Variants in FAM3D observed in about 807,000 individuals in gnomAD.
FAM3D encodes FAM3 metabolism regulating signaling molecule D, also known as protein FAM3D.
In FAM3D, 26 loss-of-function variants were observed where a neutral mutation model predicts 29.8. That is an observed-to-expected ratio of 0.87 (90% CI 0.64 to 1.21). The LOEUF is 1.21. Ranked by LOEUF, FAM3D falls within the 50% of genes most tolerant of loss-of-function variation. The probability of loss-of-function intolerance (pLI) is 0.00; values close to 1 mark genes in which losing one functional copy is unlikely to be tolerated. For synonymous variants in FAM3D, 115 were observed against 102.3 expected (o/e 1.12, Z -0.75); for missense variants, 253 against 290.9 (o/e 0.87, Z 0.95).
intron 3 of FAM3D, among the ~76,000 whole-genome samples, chr3:58,652,403 C>T (rs200860439): frequency 2.2e-5 from 3 of 137,964 alleles, no homozygotes; most frequent in Non-Finnish European, 3.2e-5. Context: ...TTCATCTATC[C>T]ACCCACCCAC....
At chr3:58,646,421 TG>T (rs1470394166) in intron 4 of FAM3D, among the ~76,000 whole-genome samples, 1 of 152,118 alleles carries the variant, frequency 6.6e-6, no homozygotes, top group Non-Finnish European at 1.5e-5. Flanking sequence ...GGTCCATGCC[TG>T]GGGGGAGATG....
At chr3:58,636,816 G>C (rs527587201) in intron 8 of FAM3D, among the ~76,000 whole-genome samples, 10 of 151,804 alleles carry the variant, frequency 6.6e-5, no homozygotes, top group Non-Finnish European at 1.0e-4. Context: ...GATTTTCCAC[G>C]TCCTTAAATA....
In FAM3D at chr3:58,666,617, G is replaced by A. The variant is rs745399631; in HGVS notation, c.-80C>T. 3.3e-5 allele frequency: 5 copies of A among 152,260 alleles called. No homozygotes were observed. The highest frequency in any genetic ancestry group is 6.5e-5 in the Admixed American group (1 of 15,286). The allele number at this position is 152,260 out of a possible 1,614,324, so 9.4% of individuals were successfully genotyped here. A position where few individuals can be genotyped will look rare whatever the true frequency, so the allele number is the denominator to read the frequency against. The stretch of plus-strand genomic sequence containing the variant: ...CCCACTTCCCTGCTTCGATGGAGAA[G>A]GCGAGGTGGTCCAGCAGGTGCCGTA... On this transcript the variant is annotated 5_prime_UTR_variant, in exon 1 of 10. Transcript: ENST00000358781.
chr3:58,662,153 G>A (rs58684917), intron 1 of FAM3D, among the ~76,000 whole-genome samples: 23,856 of 119,826 alleles, frequency 0.2, 2,295 homozygotes, highest in African/African-American at 0.29. Context: ...GCTGGGTGGA[G>A]TATCTGGGTT....
intron 5 of FAM3D, 57 bp downstream of exon 5, chr3:58,645,452 T>C: frequency 2.0e-6 from 2 of 1,002,280 alleles, no homozygotes; most frequent in East Asian, 2.9e-5. Flanking sequence ...TTTTAATGAA[T>C]GAATGAAATA....
chr3:58,657,221 G>A (rs896040887), intron 1 of FAM3D, among the ~76,000 whole-genome samples: 1 of 152,146 alleles, frequency 6.6e-6, no homozygotes, highest in African/African-American at 2.4e-5. Flanking sequence ...GAGGAGCCAG[G>A]AGAGTCGGTG....
At chr3:58,636,149 T>C in intron 9 of FAM3D, 145 bp downstream of exon 9, 1 of 1,331,852 alleles carries the variant, frequency 7.5e-7, no homozygotes. Context: ...CACCCTGGCC[T>C]TTGGAGTGAA....
At chr3:58,642,169 C>T (rs1451966122) in intron 6 of FAM3D, among the ~76,000 whole-genome samples, 1 of 152,144 alleles carries the variant, frequency 6.6e-6, no homozygotes, top group Non-Finnish European at 1.5e-5. Flanking sequence ...GGAACGGCTG[C>T]ACTCAGCCTC....
intron 1 of FAM3D, among the ~76,000 whole-genome samples, chr3:58,663,023 C>T (rs186817697): frequency 1.3e-5 from 2 of 152,336 alleles, no homozygotes; most frequent in African/African-American, 4.8e-5. Context: ...CTCAGCCTCC[C>T]CAGTAGCTGG....
intron 3 of FAM3D, among the ~76,000 whole-genome samples, chr3:58,652,861 T>TCCATCC (rs2066681184): frequency 2.8e-5 from 2 of 72,636 alleles, no homozygotes; most frequent in South Asian, 1.3e-3. Flanking sequence ...TCCATCCATC[T>TCCATCC]GTCCATCCAT....
At chr3:58,649,504 A>G in intron 3 of FAM3D, 166 bp from the exon 4 acceptor site, 1 of 714,202 alleles carries the variant, frequency 1.4e-6, no homozygotes, top group Non-Finnish European at 2.5e-6. Flanking sequence ...ACACATACAT[A>G]CACACACAGC....
intron 4 of FAM3D, among the ~76,000 whole-genome samples, chr3:58,649,057 G>C (rs1467628214): frequency 6.6e-6 from 1 of 152,180 alleles, no homozygotes; most frequent in Non-Finnish European, 1.5e-5. Context: ...AGGGGTACTG[G>C]AGAAGGGGCA....
At chr3:58,660,135 G>C (rs973165322) in intron 1 of FAM3D, among the ~76,000 whole-genome samples, 2 of 152,206 alleles carry the variant, frequency 1.3e-5, no homozygotes, top group African/African-American at 4.8e-5. Context: ...AAAAGAAAGA[G>C]ACAAGACTGA....
chr3:58,652,979 T>TCTG (rs1491311916), intron 3 of FAM3D, among the ~76,000 whole-genome samples: 4,193 of 101,844 alleles, frequency 0.041, 96 homozygotes, highest in South Asian at 0.13. Context: ...CATCCATCCG[T>TCTG]TTTTTTTTTT....
At chr3:58,648,181 G>A (rs2066532465) in intron 4 of FAM3D, among the ~76,000 whole-genome samples, 1 of 152,224 alleles carries the variant, frequency 6.6e-6, no homozygotes, top group African/African-American at 2.4e-5. Context: ...GACACTCTGT[G>A]TCCACTTCAG....
At position 58,634,164 on chromosome 3, in the gene FAM3D, C is replaced by T. The variant is rs758954230; in HGVS notation, c.*115G>A. ...GCGCGACACAGCGTGCAAGGACCTGCAGCACCTTCCACGCAGCACCCCCTG... is the reference window on the plus strand; with the variant it reads ...GCGCGACACAGCGTGCAAGGACCTGTAGCACCTTCCACGCAGCACCCCCTG... On this transcript the variant is annotated 3_prime_UTR_variant, in exon 10 of 10. Transcript: ENST00000358781. The surrounding 1 kb of genome is among the most constrained non-coding windows in gnomAD (Gnocchi z 4.6). 2 of 889,848 alleles carry T rather than the reference C, an allele frequency of 2.2e-6. No homozygotes were observed. The highest frequency in any genetic ancestry group is 3.5e-6 in the Non-Finnish European group (2 of 570,262). The allele number at this position is 889,848 out of a possible 1,614,324, so 55.1% of individuals were successfully genotyped here.
In FAM3D at chr3:58,636,510, C is replaced by T. The variant is rs368529185; in HGVS notation, c.459-90G>A. ...ATTCCCATGGGGCAAGGTTCCCACTCTTCTCCCCATTCAGCATCTGCCCTG... is the reference window on the plus strand; with the variant it reads ...ATTCCCATGGGGCAAGGTTCCCACTTTTCTCCCCATTCAGCATCTGCCCTG... On this transcript the variant is annotated intron_variant, in intron 8 of 9. Transcript: ENST00000358781. 5.8e-6 allele frequency: 9 copies of T among 1,546,454 alleles called. No homozygotes were observed. The African/African-American group carries it at 6.8e-5, about 12-fold the overall frequency.
rs544768678 is a variant in FAM3D, at chr3:58,658,873, C to T, written c.-38-3272G>A. Reference sequence around the variant, plus strand: ...ACTGAGGTCCCATCCTCAACCACTACGGTGCATCCCTCCTGTGGTAGACGT... The same window carrying T: ...ACTGAGGTCCCATCCTCAACCACTATGGTGCATCCCTCCTGTGGTAGACGT... On this transcript the variant is annotated intron_variant, in intron 1 of 9. Coordinates refer to ENST00000358781, the MANE Select transcript of FAM3D (RefSeq NM_138805.3). 5.9e-5 allele frequency among the ~76,000 whole-genome samples: 9 copies of T among 152,318 alleles called. No homozygotes were observed. In the South Asian group the frequency reaches 6.2e-4, roughly 11 times the overall value.
intron 3 of FAM3D, among the ~76,000 whole-genome samples, chr3:58,652,977 C>CATCTG (rs57991098): frequency 4.1e-5 from 6 of 146,856 alleles, no homozygotes; most frequent in African/African-American, 1.5e-4. Context: ...TCCATCCATC[C>CATCTG]GTTTTTTTTT....
Sources: allele counts gnomAD v4.1 joint callset (sites outside exome capture counted in the v4.1 genomes callset), GRCh38; gene constraint gnomAD v4.1.1; non-coding constraint Gnocchi (gnomAD v3.1); transcripts MANE v1.5; gene names NCBI Gene and HGNC (gene_info 2026-07-23, HGNC 2026-07-21).